The following MAGI2 variants were observed in gnomAD, a reference collection of about 807,000 sequenced individuals.
MAGI2 encodes membrane-associated guanylate kinase, WW and PDZ domain-containing protein 2.
MAGI2 carries 35 observed loss-of-function variants against 133.3 expected under a neutral mutation model. The observed-to-expected ratio is 0.26, with a 90% CI of 0.20 to 0.35. MAGI2 has a LOEUF of 0.35. Ranked by LOEUF, MAGI2 falls within the 10% of genes least tolerant of loss-of-function variation. The pLI, the probability that MAGI2 is intolerant of heterozygous loss-of-function variation, is 1.00. For missense variants in MAGI2, 1,636 were observed against 1,863.4 expected (o/e 0.88, Z 2.25); for synonymous variants, 729 against 710.6 (o/e 1.03, Z -0.41).
At chr7:78,853,183 C>A (rs1793290288) in intron 2 of MAGI2, among the ~76,000 whole-genome samples, 1 of 151,814 alleles carries the variant, frequency 6.6e-6, no homozygotes, top group Non-Finnish European at 1.5e-5. Context: ...GTAATCCCAG[C>A]ATTTTGTGGT....
intron 1 of MAGI2, among the ~76,000 whole-genome samples, chr7:79,220,833 G>C (rs1347003652): frequency 6.6e-6 from 1 of 152,026 alleles, no homozygotes; most frequent in African/African-American, 2.4e-5. Context: ...CGCCCACCGT[G>C]GTACAAATTA....
intron 1 of MAGI2, among the ~76,000 whole-genome samples, chr7:79,325,590 G>A (rs2129085470): frequency 6.6e-6 from 1 of 152,282 alleles, no homozygotes; most frequent in African/African-American, 2.4e-5. Context: ...AGGGGAGAAA[G>A]CAGATCCATA....
intron 3 of MAGI2, among the ~76,000 whole-genome samples, chr7:78,609,904 T>C (rs1045504938): frequency 1.3e-5 from 2 of 152,142 alleles, no homozygotes; most frequent in Non-Finnish European, 2.9e-5. Flanking sequence ...GAGCCCAAAG[T>C]TTCCAGGTGG....
intron 16 of MAGI2, among the ~76,000 whole-genome samples, chr7:78,144,888 C>A (rs1193926329): frequency 6.6e-6 from 1 of 152,118 alleles, no homozygotes; most frequent in African/African-American, 2.4e-5. Flanking sequence ...ACTTGCCCCC[C>A]TGCCCCCCAT....
chr7:78,965,882 AG>A (rs1803265291), intron 2 of MAGI2, among the ~76,000 whole-genome samples: 1 of 152,086 alleles, frequency 6.6e-6, no homozygotes, highest in East Asian at 1.9e-4. Context: ...CAGTTCACCT[AG>A]GACTCTGCGG....
intron 2 of MAGI2, among the ~76,000 whole-genome samples, chr7:78,935,768 T>C (rs1438970798): frequency 6.6e-6 from 1 of 152,116 alleles, no homozygotes; most frequent in Non-Finnish European, 1.5e-5. Context: ...CAAAGATCAT[T>C]GACTCTCTGT....
intron 2 of MAGI2, among the ~76,000 whole-genome samples, chr7:78,998,887 A>G (rs1806577694): frequency 6.6e-6 from 1 of 152,160 alleles, no homozygotes; most frequent in Non-Finnish European, 1.5e-5. Flanking sequence ...GCAGTGGTGT[A>G]CAGTAAGATG....
intron 9 of MAGI2, 59 bp downstream of exon 9, chr7:78,343,719 A>G: frequency 9.9e-6 from 13 of 1,317,306 alleles, no homozygotes; most frequent in Non-Finnish European, 1.2e-5. Context: ...AGCTCCTTAT[A>G]TTTGCCTTCA....
chr7:78,882,240 C>T lies in MAGI2; in HGVS notation c.418+124850G>A, dbSNP rs139457572. Among the ~76,000 whole-genome samples the T allele has an allele frequency of 3.1e-3, 463 of 151,448 alleles. 4 individuals carry two copies. Among genetic ancestry groups the T allele is most frequent in the African/African-American group, 0.011 (439 of 41,310 alleles). On this transcript the variant is annotated intron_variant, in intron 2 of 21. Transcript: ENST00000354212. ...ATCTCAAGGACTGTTATGAACACCT[C>T]TATGCCCACAAACTAGAAAATCTAG...
chr7:79,300,622 C>T (rs577848850), intron 1 of MAGI2, among the ~76,000 whole-genome samples: 55 of 152,198 alleles, frequency 3.6e-4, no homozygotes, highest in Admixed American at 2.6e-3. Context: ...GCAGCCTGGT[C>T]ATGTATCAGA....
chr7:79,450,331 G>A (rs1489635674), intron 1 of MAGI2, among the ~76,000 whole-genome samples: 1 of 150,866 alleles, frequency 6.6e-6, no homozygotes, highest in Non-Finnish European at 1.5e-5. Flanking sequence ...TATAGTAAAG[G>A]TTCTGAAAAA....
intron 21 of MAGI2, among the ~76,000 whole-genome samples, chr7:78,030,172 A>T (rs979669903): frequency 1.5e-4 from 23 of 152,194 alleles, no homozygotes; most frequent in African/African-American, 4.8e-4. Context: ...TACCTGCCAT[A>T]CTTCCTTCTC....
chr7:79,382,079 G>A (rs1843832029), intron 1 of MAGI2, among the ~76,000 whole-genome samples: 1 of 151,580 alleles, frequency 6.6e-6, no homozygotes, highest in Non-Finnish European at 1.5e-5. Context: ...CAGTCTAACA[G>A]CTTTTGGCAG....
chr7:78,391,125 A>G (rs969624487), intron 6 of MAGI2, among the ~76,000 whole-genome samples: 2 of 152,158 alleles, frequency 1.3e-5, no homozygotes, highest in Non-Finnish European at 2.9e-5. Flanking sequence ...CTTTATGAAG[A>G]ATACCCCAGA....
At chr7:78,072,491 C>A (rs1255222067) in intron 21 of MAGI2, 1 of 153,952 alleles carries the variant, frequency 6.5e-6, no homozygotes, top group Admixed American at 6.5e-5. Flanking sequence ...TTAAGTAAAT[C>A]TGATTTAGTT....
At chr7:78,903,348 C>T (rs1038039815) in intron 2 of MAGI2, among the ~76,000 whole-genome samples, 7 of 151,780 alleles carry the variant, frequency 4.6e-5, no homozygotes, top group East Asian at 1.9e-4. Flanking sequence ...CGCCCGCTAC[C>T]ACGCCCGGCT....
At chr7:78,209,569 A>T (rs957179926) in intron 10 of MAGI2, among the ~76,000 whole-genome samples, 6 of 151,988 alleles carry the variant, frequency 3.9e-5, no homozygotes, top group African/African-American at 1.4e-4. Flanking sequence ...CCTGAAAGTC[A>T]TTCTTAACAC....
At chr7:79,197,682 A>C (rs74923579) in intron 1 of MAGI2, among the ~76,000 whole-genome samples, 4,103 of 152,084 alleles carry the variant, frequency 0.027, 87 homozygotes, top group East Asian at 0.04. Context: ...TATAAGCAAC[A>C]GAAATTTATT....
chr7:79,311,056 C>G (rs1446850321), intron 1 of MAGI2, among the ~76,000 whole-genome samples: 1 of 152,114 alleles, frequency 6.6e-6, no homozygotes, highest in Non-Finnish European at 1.5e-5. Flanking sequence ...TTTCTGATCA[C>G]TATTTTCAAT....
Sources: gnomAD v4.1 joint callset for allele counts (sites outside exome capture counted in the v4.1 genomes callset) on GRCh38, gnomAD v4.1.1 for gene constraint, MANE v1.5 for transcripts, NCBI Gene and HGNC (gene_info 2026-07-23, HGNC 2026-07-21) for gene names.